The following PALLD variants were observed in gnomAD, a reference collection of about 807,000 sequenced individuals.
PALLD encodes palladin.
Under a neutral mutation model 123.5 loss-of-function variants are expected in PALLD, and 61 were observed. The observed-to-expected ratio is 0.49, with a 90% CI of 0.40 to 0.61. The LOEUF is 0.61. PALLD is among the 20% of genes least tolerant of loss of function. PALLD has a pLI of 0.00. For missense variants in PALLD, 1,273 were observed against 1,377.0 expected, an observed-to-expected ratio of 0.92 and a Z score of 1.20; for synonymous variants, 465 against 496.4, an observed-to-expected ratio of 0.94 and a Z score of 0.84.
chr4:168,864,540 C>T (rs1191872148), intron 10 of PALLD: 1 of 152,110 alleles, frequency 6.6e-6, no homozygotes, highest in Admixed American at 6.5e-5. Context: ...TGTATCTCGG[C>T]GCACAGATAC....
Position 168,878,305 on chromosome 4 carries a change from G to A in PALLD, c.1965-12617G>A, listed in dbSNP as rs1046350904. 1.0e-5 allele frequency: 16 copies of A among 1,526,642 alleles called. No homozygotes were observed. The highest frequency in any genetic ancestry group is 1.4e-5 in the Non-Finnish European group (16 of 1,143,640). 94.6% of individuals were successfully genotyped at this position (1,526,642 alleles called of 1,614,324 possible). A position where few individuals can be genotyped will look rare whatever the true frequency, so the allele number is the denominator to read the frequency against. On this transcript the variant is annotated intron_variant, in intron 10 of 21. Coordinates refer to ENST00000505667, the MANE Select transcript of PALLD (RefSeq NM_001166108.2). Reference sequence around the variant, plus strand: ...CCACCCGCTTCGGCCACAGCCAGACGCCCGCGGCCTTCCTCAGCGCTCTGC... The same window carrying A: ...CCACCCGCTTCGGCCACAGCCAGACACCCGCGGCCTTCCTCAGCGCTCTGC...
chr4:168,778,158 T>C (rs1735431647), intron 10 of PALLD, among the ~76,000 whole-genome samples: 1 of 152,194 alleles, frequency 6.6e-6, no homozygotes, highest in Non-Finnish European at 1.5e-5. Flanking sequence ...AATTTTTTTT[T>C]CTAGAGAAGT....
At chr4:168,582,960 G>T (rs1770444617) in intron 2 of PALLD, among the ~76,000 whole-genome samples, 1 of 152,104 alleles carries the variant, frequency 6.6e-6, no homozygotes, top group African/African-American at 2.4e-5. Context: ...TTCATTGAAA[G>T]CCAGGAAGTA....
At chr4:168,611,767 T>C (rs990124442) in intron 2 of PALLD, among the ~76,000 whole-genome samples, 1 of 152,214 alleles carries the variant, frequency 6.6e-6, no homozygotes, top group Non-Finnish European at 1.5e-5. Flanking sequence ...TGGTAGTACA[T>C]GTTTCTCACC....
intron 10 of PALLD, among the ~76,000 whole-genome samples, chr4:168,779,725 A>T (rs748244896): frequency 6.6e-5 from 10 of 152,136 alleles, no homozygotes; most frequent in Non-Finnish European, 1.0e-4. Flanking sequence ...AACATTTTTA[A>T]TTAATTACTT....
intron 10 of PALLD, among the ~76,000 whole-genome samples, chr4:168,868,261 A>G (rs1305285812): frequency 6.6e-6 from 1 of 152,192 alleles, no homozygotes; most frequent in Non-Finnish European, 1.5e-5. Flanking sequence ...CCCTGCAACC[A>G]AGGGCAAGAG....
chr4:168,681,563 T>TTTTTTTTTTA (rs1781553310), intron 4 of PALLD, among the ~76,000 whole-genome samples, 165 bp downstream of exon 4: 3 of 144,842 alleles, frequency 2.1e-5, no homozygotes, highest in African/African-American at 8.1e-5. Flanking sequence ...TTTTTTTTTT[T>TTTTTTTTTTA]GAGACAGGGT....
intron 1 of PALLD, among the ~76,000 whole-genome samples, chr4:168,506,766 C>T (rs1297507358): frequency 6.6e-6 from 1 of 152,150 alleles, no homozygotes; most frequent in South Asian, 2.1e-4. Context: ...TTCCTTCTTT[C>T]CTTTCCTTCC....
intron 10 of PALLD, among the ~76,000 whole-genome samples, chr4:168,881,363 AG>A (rs1308505645): frequency 6.6e-6 from 1 of 151,992 alleles, no homozygotes; most frequent in Non-Finnish European, 1.5e-5. Flanking sequence ...TGGGTAGCAG[AG>A]GTCAAAGCAG....
chr4:168,719,614 T>C (rs1785783493), intron 10 of PALLD, among the ~76,000 whole-genome samples: 1 of 152,188 alleles, frequency 6.6e-6, no homozygotes. Context: ...CGGGGATACA[T>C]GTGTACGTTA....
chr4:168,797,785 TTA>T (rs1395728798), intron 10 of PALLD, among the ~76,000 whole-genome samples: 1 of 152,102 alleles, frequency 6.6e-6, no homozygotes, highest in Non-Finnish European at 1.5e-5. Context: ...TTGTTTGTTG[TTA>T]TACCGATTGC....
In PALLD at chr4:168,881,690, GC is replaced by G. The variant is rs1581891652; in HGVS notation, c.1965-9231del. Among the ~76,000 whole-genome samples the G allele has an allele frequency of 2.0e-5, 3 of 152,168 alleles. No individual in the cohort carries two copies. The East Asian group carries it at 5.8e-4, about 30-fold the overall frequency. ...AGTTGACAAACTCTTTTAGATGGAG[GC>G]AGTAAGGAGAGCATGCCTTAGAGAG... On this transcript the variant is annotated intron_variant, in intron 10 of 21. Transcript: ENST00000505667.
In PALLD at chr4:168,712,238, A is replaced by T. The variant is rs74664139; in HGVS notation, c.1964+315A>T. The T allele has an allele frequency of 5.6e-3, 2,560 of 459,036 alleles. 42 individuals are homozygous for T. Among genetic ancestry groups the T allele is most frequent in the African/African-American group, 0.045 (2,307 of 51,250 alleles). 28.4% of individuals were successfully genotyped at this position (459,036 alleles called of 1,614,324 possible). On this transcript the variant is annotated intron_variant, in intron 10 of 21. Transcript: ENST00000505667. ...TCCCTGGAGGCCATGGAAAAGGGGG[A>T]TCTACTTTCAGCCCTTTATTAAAAG...
At chr4:168,575,350 T>A (rs1769445595) in intron 2 of PALLD, among the ~76,000 whole-genome samples, 1 of 151,930 alleles carries the variant, frequency 6.6e-6, no homozygotes, top group Non-Finnish European at 1.5e-5. Flanking sequence ...AGCAGGCACA[T>A]CTTACATGGC....
intron 8 of PALLD, among the ~76,000 whole-genome samples, chr4:168,696,151 T>C (rs942139351): frequency 1.3e-5 from 2 of 152,102 alleles, no homozygotes; most frequent in African/African-American, 4.8e-5. Context: ...ACAAGCTTGC[T>C]CTAGAGGGAG....
At chr4:168,771,664 G>A (rs1734466726) in intron 10 of PALLD, among the ~76,000 whole-genome samples, 1 of 152,046 alleles carries the variant, frequency 6.6e-6, no homozygotes, top group Non-Finnish European at 1.5e-5. Flanking sequence ...CACCATAGAG[G>A]GCTTGTCTAC....
At chr4:168,611,802 C>T (rs1284041069) in intron 2 of PALLD, among the ~76,000 whole-genome samples, 1 of 152,128 alleles carries the variant, frequency 6.6e-6, no homozygotes, top group Non-Finnish European at 1.5e-5. Flanking sequence ...CTGCTTGATT[C>T]TCTGTCCTAC....
At chr4:168,509,086 C>G (rs1484038875) in intron 1 of PALLD, among the ~76,000 whole-genome samples, 1 of 152,186 alleles carries the variant, frequency 6.6e-6, no homozygotes, top group African/African-American at 2.4e-5. Flanking sequence ...CCACAGGGGT[C>G]TATGCCTTTT....
At chr4:168,884,645 G>C (rs1001897490) in intron 10 of PALLD, among the ~76,000 whole-genome samples, 8 of 152,136 alleles carry the variant, frequency 5.3e-5, no homozygotes, top group Non-Finnish European at 1.2e-4. Flanking sequence ...TAACTATTGT[G>C]ACCTAGTTCA....
Sources: allele counts gnomAD v4.1 joint callset (sites outside exome capture counted in the v4.1 genomes callset), GRCh38; gene constraint gnomAD v4.1.1; transcripts MANE v1.5; gene names NCBI Gene and HGNC (gene_info 2026-07-23, HGNC 2026-07-21).